ADGRL3: variants seen among roughly 807,000 people sequenced by gnomAD.
ADGRL3 encodes the protein adhesion G protein-coupled receptor L3.
A neutral mutation model predicts 153.5 loss-of-function variants in ADGRL3; 62 were observed. The observed-to-expected ratio is 0.40, with a 90% CI of 0.33 to 0.50. ADGRL3 has a LOEUF of 0.50. Among genes scored for constraint, ADGRL3 ranks in the 20% least tolerant of loss-of-function variants. The pLI is 0.47. For synonymous variants in ADGRL3, 710 were observed against 672.5 expected (o/e 1.06, Z -0.86); for missense variants, 1,641 against 1,859.4 (o/e 0.88, Z 2.16).
intron 5 of ADGRL3, among the ~76,000 whole-genome samples, chr4:61,602,442 A>C (rs2149541268): frequency 6.6e-6 from 1 of 152,274 alleles, no homozygotes; most frequent in African/African-American, 2.4e-5. Flanking sequence ...ACAACTGGAA[A>C]GATGTTAGGG....
Position 61,858,080 on chromosome 4 carries a change from T to C in ADGRL3, c.1481-34576T>C, listed in dbSNP as rs145522373. On this transcript the variant is annotated intron_variant, in intron 9 of 26. Transcript: ENST00000683033. ...ACAGAGGCCGCTTTGTGGGAAAAGA[T>C]AATGTATTAAGTTTTTGCATATTGA... Among the ~76,000 whole-genome samples the C allele has an allele frequency of 2.0e-5, 3 of 152,348 alleles. No individual in the cohort carries two copies. The East Asian group carries it at 5.8e-4, about 29-fold the overall frequency.
At chr4:62,001,465 A>G (rs998667396) in intron 21 of ADGRL3, among the ~76,000 whole-genome samples, 24 of 152,198 alleles carry the variant, frequency 1.6e-4, no homozygotes, top group Admixed American at 1.4e-3. Context: ...TTGAAGAAAA[A>G]CAACAAGGAA....
intron 9 of ADGRL3, among the ~76,000 whole-genome samples, chr4:61,878,011 C>T (rs572053694): frequency 1.3e-5 from 2 of 152,122 alleles, no homozygotes; most frequent in Non-Finnish European, 2.9e-5. Flanking sequence ...CTTCACCTTC[C>T]GCCATGATTG....
chr4:61,438,746 C>G (rs369068362), intron 2 of ADGRL3, among the ~76,000 whole-genome samples: 3 of 145,378 alleles, frequency 2.1e-5, no homozygotes, highest in African/African-American at 5.1e-5. Context: ...CTCGCTCTGT[C>G]GCCCAGGCTG....
Position 62,075,558 on chromosome 4 carries a change from G to A in ADGRL3, c.*4650G>A, listed in dbSNP as rs549907234. ...AAGTTCCCAGTACATTGTAGACCAA[G>A]GTGTTAAAATTTAATTAGTTCATTT... On this transcript the variant is annotated 3_prime_UTR_variant, in exon 27 of 27. Coordinates refer to ENST00000683033, the MANE Select transcript of ADGRL3 (RefSeq NM_001387552.1). The A allele has an allele frequency of 2.0e-5, 3 of 152,004 alleles. No individual in the cohort carries two copies. The highest frequency in any genetic ancestry group is 4.4e-5 in the Non-Finnish European group (3 of 68,008). The allele number at this position is 152,004 out of a possible 1,614,324, so 9.4% of individuals were successfully genotyped here. A position where few individuals can be genotyped will look rare whatever the true frequency, so the allele number is the denominator to read the frequency against.
At chr4:61,667,100 T>A (rs1013585480) in intron 5 of ADGRL3, among the ~76,000 whole-genome samples, 3 of 152,174 alleles carry the variant, frequency 2.0e-5, no homozygotes, top group Admixed American at 2.0e-4. Context: ...ACATAGCTAA[T>A]CATTTTATTT....
At chr4:61,813,922 T>C in intron 9 of ADGRL3, 33 bp downstream of exon 9, 2 of 1,608,766 alleles carry the variant, frequency 1.2e-6, no homozygotes, top group South Asian at 1.1e-5. Flanking sequence ...AAAAAGTAAC[T>C]CTGCTCATTC....
chr4:61,366,472 C>T (rs978378917), intron 1 of ADGRL3, among the ~76,000 whole-genome samples: 2 of 152,014 alleles, frequency 1.3e-5, no homozygotes, highest in African/African-American at 2.4e-5. Context: ...AAAATATAGC[C>T]GTAATAAATA....
At chr4:61,798,112 A>T (rs912900304) in intron 8 of ADGRL3, among the ~76,000 whole-genome samples, 1 of 152,188 alleles carries the variant, frequency 6.6e-6, no homozygotes, top group African/African-American at 2.4e-5. Context: ...ATGGGCAAGT[A>T]GGGTAGCATG....
At chr4:61,986,139 A>C (rs187123168) in intron 19 of ADGRL3, among the ~76,000 whole-genome samples, 1 of 152,106 alleles carries the variant, frequency 6.6e-6, no homozygotes, top group Non-Finnish European at 1.5e-5. Flanking sequence ...CGAAACAAAA[A>C]AGAAACCCCT....
chr4:61,397,869 A>C (rs1460002059), intron 2 of ADGRL3, among the ~76,000 whole-genome samples: 1 of 151,934 alleles, frequency 6.6e-6, no homozygotes, highest in South Asian at 2.1e-4. Flanking sequence ...GATCACTGGA[A>C]TGTATAGCTG....
chr4:61,966,471 G>C (rs970056117), intron 17 of ADGRL3, among the ~76,000 whole-genome samples: 1 of 151,692 alleles, frequency 6.6e-6, no homozygotes, highest in African/African-American at 2.4e-5. Flanking sequence ...TACATATCTG[G>C]GTAACTCATA....
chr4:61,509,579 A>C (rs2098451856), intron 3 of ADGRL3, among the ~76,000 whole-genome samples: 1 of 151,678 alleles, frequency 6.6e-6, no homozygotes, highest in Middle Eastern at 3.4e-3. Flanking sequence ...TGATTTCATT[A>C]TTTTTTATGG....
At chr4:61,761,163 G>T (rs2096908176) in intron 8 of ADGRL3, among the ~76,000 whole-genome samples, 1 of 152,174 alleles carries the variant, frequency 6.6e-6, no homozygotes, top group Non-Finnish European at 1.5e-5. Context: ...AGTTTAGGGA[G>T]GGTCAGAATC....
chr4:62,049,253 C>G (rs1040137437), intron 25 of ADGRL3, among the ~76,000 whole-genome samples: 9 of 152,008 alleles, frequency 5.9e-5, no homozygotes, highest in African/African-American at 2.2e-4. Context: ...TAAAAATATT[C>G]AATTTGAGTG....
intron 17 of ADGRL3, among the ~76,000 whole-genome samples, chr4:61,961,412 C>T (rs192746062): frequency 2.6e-5 from 4 of 152,270 alleles, no homozygotes; most frequent in African/African-American, 9.6e-5. Context: ...AATTGTCTTC[C>T]TACCATGATG....
chr4:61,319,560 G>T (rs1261686288), intron 1 of ADGRL3, among the ~76,000 whole-genome samples: 2 of 152,104 alleles, frequency 1.3e-5, no homozygotes, highest in African/African-American at 4.8e-5. Flanking sequence ...AATATGCAAA[G>T]CCTATTTAAA....
At chr4:61,664,992 A>G (rs1288676967) in intron 5 of ADGRL3, among the ~76,000 whole-genome samples, 1 of 152,196 alleles carries the variant, frequency 6.6e-6, no homozygotes, top group Non-Finnish European at 1.5e-5. Context: ...TGTAAACATC[A>G]TTCCCCTTAT....
intron 2 of ADGRL3, among the ~76,000 whole-genome samples, chr4:61,399,858 T>A (rs2096909617): frequency 6.6e-6 from 1 of 151,756 alleles, no homozygotes; most frequent in African/African-American, 2.4e-5. Flanking sequence ...TTATAGATGT[T>A]AAGGTAGACA....
Sources: gnomAD v4.1 joint callset for allele counts (sites outside exome capture counted in the v4.1 genomes callset) on GRCh38, gnomAD v4.1.1 for gene constraint, MANE v1.5 for transcripts, NCBI Gene and HGNC (gene_info 2026-07-23, HGNC 2026-07-21) for gene names.